The following PACS2 variants were observed in gnomAD, a reference collection of about 807,000 sequenced individuals.
The protein encoded by PACS2 is PACS1-like protein.
A neutral mutation model predicts 113.0 loss-of-function variants in PACS2; 36 were observed. The observed-to-expected ratio is 0.32, with a 90% CI of 0.24 to 0.42. The LOEUF is 0.42. Among genes scored for constraint, PACS2 ranks in the 10% least tolerant of loss-of-function variants. PACS2 has a pLI of 1.00. For synonymous variants in PACS2, 589 were observed against 536.1 expected (o/e 1.10, Z -1.36); for missense variants, 1,015 against 1,239.5 (o/e 0.82, Z 2.72).
rs1297688299 is a variant in PACS2, at chr14:105,356,139, G to C, written c.423+962G>C. 6.6e-6 allele frequency among the ~76,000 whole-genome samples: 1 copy of C among 152,090 alleles called. No individual in the cohort carries two copies. The highest frequency in any genetic ancestry group is 1.5e-5 in the Non-Finnish European group (1 of 67,998). On this transcript the variant is annotated intron_variant, in intron 4 of 24. Transcript: ENST00000447393. The surrounding 1 kb of genome is among the most constrained non-coding windows in gnomAD (Gnocchi z 4.0). ...TGGGGCTTGGGGCTGGGACAGTGGG[G>C]GTGCCCACTTGTAGCTGGTTCCCCC...
intron 19 of PACS2, among the ~76,000 whole-genome samples, chr14:105,387,784 G>A (rs1000640369): frequency 1.9e-4 from 29 of 152,234 alleles, no homozygotes; most frequent in Admixed American, 5.9e-4. Flanking sequence ...TGGCTGGCTC[G>A]GTGGGGGGGT....
At chr14:105,392,490 C>A in intron 22 of PACS2, 129 bp from the exon 23 acceptor site, 2 of 746,164 alleles carry the variant, frequency 2.7e-6, no homozygotes, top group East Asian at 2.7e-5. Flanking sequence ...CTCCAAGCAC[C>A]CGGCCCTCCT....
chr14:105,341,697 T>C (rs1470048240), intron 1 of PACS2, among the ~76,000 whole-genome samples: 2 of 152,202 alleles, frequency 1.3e-5, no homozygotes, highest in East Asian at 3.8e-4. Context: ...TTCTTTTTAT[T>C]CCTTATTTTA....
chr14:105,348,930 G>C lies in PACS2; in HGVS notation c.207+350G>C, dbSNP rs1555403246. The stretch of plus-strand genomic sequence containing the variant: ...ACCCACTTCCTGCCCACTTTTTGTG[G>C]GGTGGAGGGCGTCGGTGGGAGAGGG... On this transcript the variant is annotated intron_variant, in intron 2 of 24. Coordinates refer to ENST00000447393, the MANE Select transcript of PACS2 (RefSeq NM_001100913.3). This position sits in a 1 kb window ranked among gnomAD's most constrained non-coding sequence, Gnocchi z 6.4. Among the ~76,000 whole-genome samples, 1 of 152,234 alleles carries C rather than the reference G, an allele frequency of 6.6e-6. No individual in the cohort carries two copies. The highest frequency in any genetic ancestry group is 2.4e-5 in the African/African-American group (1 of 41,470).
At chr14:105,325,181 C>A (rs587736425) in intron 1 of PACS2, among the ~76,000 whole-genome samples, 1 of 83,244 alleles carries the variant, frequency 1.2e-5, no homozygotes, top group Non-Finnish European at 2.3e-5. Context: ...GGGGGGGGCT[C>A]GGACACAGTG....
intron 19 of PACS2, chr14:105,389,024 T>A (rs1183224490): frequency 6.6e-6 from 1 of 152,362 alleles, no homozygotes; most frequent in Non-Finnish European, 1.5e-5. Context: ...CGGGGCCTCA[T>A]GCTGTGCTGG....
chr14:105,371,460 C>G (rs1555409389), intron 8 of PACS2: 1 of 152,272 alleles, frequency 6.6e-6, no homozygotes, highest in African/African-American at 2.4e-5. Context: ...GTCACAGACG[C>G]TGTTCAGGGA....
At chr14:105,319,400 TGA>T (rs909155880) in intron 1 of PACS2, among the ~76,000 whole-genome samples, 1 of 152,258 alleles carries the variant, frequency 6.6e-6, no homozygotes, top group African/African-American at 2.4e-5. Context: ...GAATGTATTT[TGA>T]GAGTTTTACA....
At chr14:105,341,608 G>A (rs2059727220) in intron 1 of PACS2, among the ~76,000 whole-genome samples, 1 of 152,154 alleles carries the variant, frequency 6.6e-6, no homozygotes, top group African/African-American at 2.4e-5. Context: ...AAACCTTTAG[G>A]CCTCGCTCTC....
chr14:105,339,659 A>G (rs1375790985), intron 1 of PACS2, among the ~76,000 whole-genome samples: 1 of 151,748 alleles, frequency 6.6e-6, no homozygotes, highest in Non-Finnish European at 1.5e-5. Context: ...TTGCACCACT[A>G]CACTCTAGCC....
intron 9 of PACS2, among the ~76,000 whole-genome samples, chr14:105,377,875 G>A (rs1272271400): frequency 2.0e-5 from 3 of 152,234 alleles, no homozygotes; most frequent in Non-Finnish European, 1.5e-5. Flanking sequence ...TCGGGTGGAG[G>A]TATTGGTGGC....
At position 105,391,696 on chromosome 14, in the gene PACS2, C is replaced by G; in HGVS notation, c.2185C>G (p.Pro729Ala). ...TLSSTPPSAS[P>A]AAKEASPTPP... The stretch of plus-strand genomic sequence containing the variant: ...CTCCTCCACCCCGCCGTCCGCATCT[C>G]CTGCGGCCAAGGAGGCCTCACCCAC... Residue 729 changes from proline to alanine, a missense_variant, in exon 22 of 25, where the codon CCT (proline) becomes GCT (alanine). This residue lies in a region of PACS2 where 859 missense variants were observed against 1,056.8 expected (regional missense o/e 0.81). Coordinates refer to ENST00000447393, the MANE Select transcript of PACS2 (RefSeq NM_001100913.3). 2 of 1,606,720 alleles carry G rather than the reference C, an allele frequency of 1.2e-6. No individual in the cohort carries two copies. The highest frequency in any genetic ancestry group is 1.7e-5 in the Admixed American group (1 of 59,386).
rs1484816632 is a variant in PACS2, at chr14:105,355,560, T to C, written c.423+383T>C. The stretch of plus-strand genomic sequence containing the variant: ...TGATGGGTTCGTGTCTGCATCCTGC[T>C]CAGCACGTGCTCTGGCCCAGGATTG... On this transcript the variant is annotated intron_variant, in intron 4 of 24. Transcript: ENST00000447393. The surrounding 1 kb of genome is among the most constrained non-coding windows in gnomAD (Gnocchi z 4.1). Among the ~76,000 whole-genome samples the C allele has an allele frequency of 6.6e-6, 1 of 152,196 alleles. No individual in the cohort carries two copies. Among genetic ancestry groups the C allele is most frequent in the Non-Finnish European group, 1.5e-5 (1 of 68,038 alleles).
intron 16 of PACS2, 128 bp downstream of exon 16, chr14:105,383,641 G>A (rs868943418): frequency 3.1e-5 from 26 of 828,396 alleles, no homozygotes; most frequent in African/African-American, 1.6e-4. Context: ...GTGGTGTGGC[G>A]CGGTGTGGCA....
chr14:105,345,013 G>A (rs1273956292), intron 1 of PACS2, among the ~76,000 whole-genome samples: 2 of 152,080 alleles, frequency 1.3e-5, no homozygotes, highest in African/African-American at 2.4e-5. Context: ...GGAGGCTGAG[G>A]CATGAGAATC....
Position 105,309,071 on chromosome 14 carries a change from C to T in PACS2, c.-83+8092C>T, listed in dbSNP as rs187717256. ...CACTGAGGTTGAGTGTTGGTTGACA[C>T]GTGTTGCGGTAATTGCTGTTCTGAT... On this transcript the variant is annotated intron_variant, in intron 1 of 23. Coordinates refer to the PACS2 transcript ENST00000430725. The surrounding 1 kb of genome is among the most constrained non-coding windows in gnomAD (Gnocchi z 4.0). 1.1e-4 allele frequency among the ~76,000 whole-genome samples: 17 copies of T among 152,292 alleles called. No homozygotes were observed. The East Asian group carries it at 2.5e-3, about 22-fold the overall frequency.
rs782713386 is a variant in PACS2, at chr14:105,348,589, G to T, written c.207+9G>T. ...TCGCTGTCAAGATGCAGGTGAGGCC[G>T]CTTGTGACCCCGGCTGTGGCTGGGT... On this transcript the variant is annotated intron_variant, in intron 2 of 24. Transcript: ENST00000447393. This position sits in a 1 kb window ranked among gnomAD's most constrained non-coding sequence, Gnocchi z 6.4. The T allele has an allele frequency of 1.3e-6, 2 of 1,597,464 alleles. No homozygotes were observed. The highest frequency in any genetic ancestry group is 1.3e-5 in the African/African-American group (1 of 74,680).
At chr14:105,373,645 G>T (rs1332387059) in intron 8 of PACS2, among the ~76,000 whole-genome samples, 1 of 152,052 alleles carries the variant, frequency 6.6e-6, no homozygotes, top group African/African-American at 2.4e-5. Context: ...AAAATTGGCC[G>T]GGCATGGTGG....
intron 4 of PACS2, among the ~76,000 whole-genome samples, chr14:105,359,775 T>C (rs1480031945): frequency 6.6e-6 from 1 of 152,014 alleles, no homozygotes; most frequent in East Asian, 1.9e-4. Flanking sequence ...GTATTTTTAG[T>C]AGAGACGGGG....
Sources: allele counts gnomAD v4.1 joint callset (sites outside exome capture counted in the v4.1 genomes callset), GRCh38; gene constraint gnomAD v4.1.1; regional missense constraint gnomAD v4.1.1; non-coding constraint Gnocchi (gnomAD v3.1); transcripts MANE v1.5; gene names NCBI Gene and HGNC (gene_info 2026-07-23, HGNC 2026-07-21).